P2RY12: variants seen among roughly 807,000 people sequenced by gnomAD.
P2RY12 encodes purinergic receptor P2Y12, also known as P2Y purinoceptor 12.
Under a neutral mutation model 4.5 loss-of-function variants are expected in P2RY12, and 3 were observed. The observed-to-expected ratio is 0.67, with a 90% CI of 0.31 to 1.74. The LOEUF (loss-of-function observed/expected upper bound fraction) is 1.74, where lower values mean the gene tolerates loss of function less well. P2RY12 is among the 40% of genes most tolerant of loss of function. P2RY12 has a pLI of 0.09. For synonymous variants in P2RY12, 148 were observed against 154.1 expected, an observed-to-expected ratio of 0.96 and a Z score of 0.29; for missense variants, 356 against 407.8, an observed-to-expected ratio of 0.87 and a Z score of 1.09.
intron 1 of P2RY12, chr3:151,375,991 A>G (rs2108062602): frequency 2.3e-6 from 3 of 1,309,556 alleles, no homozygotes; most frequent in Non-Finnish European, 2.1e-6. Flanking sequence ...ACCGAAAGCC[A>G]GTGCCTGTCA....
intron 1 of P2RY12, chr3:151,372,449 T>C (rs1383394487): frequency 1.8e-5 from 13 of 702,898 alleles, no homozygotes; most frequent in African/African-American, 3.6e-5. Flanking sequence ...CAACTGGCTA[T>C]TCAATAATAA....
intron 1 of P2RY12, among the ~76,000 whole-genome samples, chr3:151,344,771 C>T (rs1017628864): frequency 6.6e-6 from 1 of 152,140 alleles, no homozygotes; most frequent in South Asian, 2.1e-4. Context: ...AGATCTTTTT[C>T]ATTTTTCCTT....
chr3:151,346,842 T>A (rs113568925), intron 1 of P2RY12, among the ~76,000 whole-genome samples: 2 of 152,208 alleles, frequency 1.3e-5, no homozygotes, highest in African/African-American at 4.8e-5. Context: ...TACTGGACAT[T>A]TACACATTTC....
intron 1 of P2RY12, chr3:151,360,703 T>G: frequency 8.6e-7 from 1 of 1,156,708 alleles, no homozygotes; most frequent in Admixed American, 2.4e-5. Context: ...TGAAAGCTAA[T>G]TGCAATTGTA....
At chr3:151,343,020 A>G (rs1460595939) in intron 1 of P2RY12, among the ~76,000 whole-genome samples, 2 of 152,014 alleles carry the variant, frequency 1.3e-5, no homozygotes, top group East Asian at 1.9e-4. Context: ...TAGCCTTAGA[A>G]TCTGTATTTG....
intron 1 of P2RY12, among the ~76,000 whole-genome samples, chr3:151,353,863 C>T (rs1000097247): frequency 2.0e-5 from 3 of 152,000 alleles, no homozygotes; most frequent in African/African-American, 7.3e-5. Flanking sequence ...CAGTGCTGGC[C>T]GGGCGCGGTG....
chr3:151,384,127 A>G (rs1343384723), intron 1 of P2RY12: 1 of 1,614,054 alleles, frequency 6.2e-7, no homozygotes, highest in Non-Finnish European at 8.5e-7. Context: ...GTTTTAATCA[A>G]TGGAACGTTA....
At chr3:151,363,840 A>G (rs1277871102) in intron 1 of P2RY12, among the ~76,000 whole-genome samples, 1 of 152,186 alleles carries the variant, frequency 6.6e-6, no homozygotes, top group African/African-American at 2.4e-5. Flanking sequence ...TTCTCAAGGA[A>G]TAGAGCTGAA....
chr3:151,341,659 G>C (rs1751842650), intron 1 of P2RY12, among the ~76,000 whole-genome samples: 1 of 151,626 alleles, frequency 6.6e-6, no homozygotes, highest in Non-Finnish European at 1.5e-5. Context: ...CATGTGCCAT[G>C]CTGGTGTGCT....
intron 1 of P2RY12, chr3:151,383,957 G>A (rs1712870999): frequency 6.7e-7 from 1 of 1,498,198 alleles, no homozygotes; most frequent in South Asian, 1.2e-5. Context: ...TATACTGATG[G>A]CGATTTCTGC....
At chr3:151,347,309 T>C (rs1752662207) in intron 1 of P2RY12, among the ~76,000 whole-genome samples, 1 of 152,232 alleles carries the variant, frequency 6.6e-6, no homozygotes, top group Non-Finnish European at 1.5e-5. Flanking sequence ...TTATTTTGTA[T>C]TTAGTATGTT....
chr3:151,359,509 A>G (rs1413988399), intron 1 of P2RY12, among the ~76,000 whole-genome samples: 2 of 152,020 alleles, frequency 1.3e-5, no homozygotes, highest in African/African-American at 2.4e-5. Context: ...TAGACATCCT[A>G]TGTTCTCTCC....
chr3:151,366,478 G>C (rs1755287441), intron 1 of P2RY12, among the ~76,000 whole-genome samples: 1 of 152,132 alleles, frequency 6.6e-6, no homozygotes, highest in Non-Finnish European at 1.5e-5. Context: ...GTGTTTTTTG[G>C]CAATTAATGC....
chr3:151,344,328 TC>T (rs1752269661), intron 1 of P2RY12, among the ~76,000 whole-genome samples: 1 of 152,066 alleles, frequency 6.6e-6, no homozygotes, highest in Non-Finnish European at 1.5e-5. Context: ...GTTAATTTCT[TC>T]ATTCCTGTAA....
In P2RY12 at chr3:151,337,966, C is replaced by T; in HGVS notation, c.880G>A (p.Asp294Asn). The T allele has an allele frequency of 6.2e-7, 1 of 1,614,042 alleles. No homozygotes were observed. The highest frequency in any genetic ancestry group is 8.5e-7 in the Non-Finnish European group (1 of 1,179,988). ...LWLTSLNACL[D>N]PFIYFFLCKS... ...CAAAGGAAAAAATAGATGAACGGATCCAGGCATGCATTTAAGGAAGTTAAC... is the reference window on the plus strand; with the variant it reads ...CAAAGGAAAAAATAGATGAACGGATTCAGGCATGCATTTAAGGAAGTTAAC... Residue 294 changes from aspartate (D) to asparagine (N), a missense_variant, in exon 3 of 3, where the codon GAT becomes AAT. Asp to Asn is a conservative substitution (Grantham distance 23, BLOSUM62 1). Coordinates refer to ENST00000302632, the MANE Select transcript of P2RY12 (RefSeq NM_022788.5).
chr3:151,375,493 T>G (rs1387813411), intron 1 of P2RY12, among the ~76,000 whole-genome samples: 1 of 152,154 alleles, frequency 6.6e-6, no homozygotes, highest in African/African-American at 2.4e-5. Flanking sequence ...GCAATTGCAC[T>G]TCTATGAAAT....
chr3:151,349,143 C>T (rs893539081), intron 1 of P2RY12, among the ~76,000 whole-genome samples: 1 of 152,206 alleles, frequency 6.6e-6, no homozygotes, highest in Admixed American at 6.5e-5. Flanking sequence ...GATTCAGAGC[C>T]AGGCACAAGA....
chr3:151,364,178 C>A (rs1167361007), intron 1 of P2RY12, among the ~76,000 whole-genome samples: 1 of 152,156 alleles, frequency 6.6e-6, no homozygotes, highest in Non-Finnish European at 1.5e-5. Context: ...TATATAGAAT[C>A]TGAGATTTTA....
chr3:151,356,599 G>A (rs561942431), intron 1 of P2RY12, among the ~76,000 whole-genome samples: 36 of 152,042 alleles, frequency 2.4e-4, no homozygotes, highest in African/African-American at 8.7e-4. Flanking sequence ...ATTTAAAAAT[G>A]TGAGAGTTTT....
Sources: allele counts gnomAD v4.1 joint callset (sites outside exome capture counted in the v4.1 genomes callset), GRCh38; gene constraint gnomAD v4.1.1; transcripts MANE v1.5; gene names NCBI Gene and HGNC (gene_info 2026-07-23, HGNC 2026-07-21).